Variants in FMNL2 observed in about 807,000 individuals in gnomAD.
The protein encoded by FMNL2 is formin-like protein 2.
A neutral mutation model predicts 130.2 loss-of-function variants in FMNL2; 51 were observed. The ratio of observed to expected loss-of-function variants is 0.39; its 90% confidence interval spans 0.31 to 0.49. The LOEUF (loss-of-function observed/expected upper bound fraction) is 0.49. Ranked by LOEUF, FMNL2 falls within the 20% of genes least tolerant of loss-of-function variation. The pLI is 0.85. For missense variants in FMNL2, 977 were observed against 1,316.2 expected, an observed-to-expected ratio of 0.74 and a Z score of 3.99; for synonymous variants, 465 against 467.1, an observed-to-expected ratio of 1.00 and a Z score of 0.06.
At chr2:152,611,327 A>G (rs938302592) in intron 10 of FMNL2, among the ~76,000 whole-genome samples, 168 bp from the exon 11 acceptor site, 1 of 152,176 alleles carries the variant, frequency 6.6e-6, no homozygotes, top group Admixed American at 6.5e-5. Context: ...CGACAGAGCA[A>G]GACTCCATTT....
At chr2:152,612,756 C>T (rs1010021201) in intron 11 of FMNL2, among the ~76,000 whole-genome samples, 3 of 151,988 alleles carry the variant, frequency 2.0e-5, no homozygotes, top group Non-Finnish European at 4.4e-5. Flanking sequence ...GCTGGGATTA[C>T]AGGCACTATG....
At chr2:152,402,824 A>G (rs976563853) in intron 1 of FMNL2, among the ~76,000 whole-genome samples, 1 of 152,196 alleles carries the variant, frequency 6.6e-6, no homozygotes, top group African/African-American at 2.4e-5. Context: ...GAGCCAATAC[A>G]GTTACCTTAT....
chr2:152,567,590 A>G (rs1695925898), intron 6 of FMNL2, among the ~76,000 whole-genome samples: 1 of 152,164 alleles, frequency 6.6e-6, no homozygotes, highest in Non-Finnish European at 1.5e-5. Flanking sequence ...TAATTGATAG[A>G]AAAAATATGC....
At chr2:152,641,670 T>C (rs1307703164) in intron 25 of FMNL2, among the ~76,000 whole-genome samples, 1 of 152,170 alleles carries the variant, frequency 6.6e-6, no homozygotes, top group African/African-American at 2.4e-5. Flanking sequence ...CCCTCATCCA[T>C]TTCAACAATT....
intron 1 of FMNL2, among the ~76,000 whole-genome samples, chr2:152,456,909 G>A (rs1333779017): frequency 1.4e-5 from 2 of 147,606 alleles, no homozygotes; most frequent in African/African-American, 5.1e-5. Context: ...CTACACTCCA[G>A]CCTGATGACA....
At chr2:152,392,078 T>C (rs1047743888) in intron 1 of FMNL2, among the ~76,000 whole-genome samples, 2 of 152,136 alleles carry the variant, frequency 1.3e-5, no homozygotes, top group African/African-American at 2.4e-5. Context: ...TATTTTCATA[T>C]TGTTTAAATG....
chr2:152,523,093 G>GAT (rs1693185917), intron 2 of FMNL2, among the ~76,000 whole-genome samples: 1 of 152,148 alleles, frequency 6.6e-6, no homozygotes, highest in African/African-American at 2.4e-5. Context: ...ATATAGCATG[G>GAT]ATATAGTATA....
At chr2:152,518,275 T>C (rs1692888966) in intron 1 of FMNL2, among the ~76,000 whole-genome samples, 1 of 152,220 alleles carries the variant, frequency 6.6e-6, no homozygotes, top group South Asian at 2.1e-4. Context: ...ATTATTAAGC[T>C]GTACAATGTA....
At chr2:152,349,912 C>A (rs939168560) in intron 1 of FMNL2, among the ~76,000 whole-genome samples, 1 of 151,072 alleles carries the variant, frequency 6.6e-6, no homozygotes, top group African/African-American at 2.4e-5. Flanking sequence ...ATTTCTTGAG[C>A]GTTTACTGTG....
chr2:152,591,716 G>A lies in FMNL2; in HGVS notation c.876+10667G>A, dbSNP rs1697453172. ...CGGTACTCAGGAGGCTGAAGCCAGAGGATTGCTTGGGTCTAGGGGGTCAAG... is the reference window on the plus strand; with the variant it reads ...CGGTACTCAGGAGGCTGAAGCCAGAAGATTGCTTGGGTCTAGGGGGTCAAG... On this transcript the variant is annotated intron_variant, in intron 9 of 25. Coordinates refer to ENST00000288670, the MANE Select transcript of FMNL2 (RefSeq NM_052905.4). 2.0e-5 allele frequency among the ~76,000 whole-genome samples: 3 copies of A among 152,220 alleles called. No individual in the cohort carries two copies. In the South Asian group the frequency reaches 6.2e-4, roughly 32 times the overall value.
At chr2:152,490,900 C>T (rs1022276385) in intron 1 of FMNL2, among the ~76,000 whole-genome samples, 5 of 151,964 alleles carry the variant, frequency 3.3e-5, no homozygotes, top group Non-Finnish European at 5.9e-5. Flanking sequence ...TGTCAAAAAA[C>T]GGGAAAAAAC....
At chr2:152,387,489 A>C (rs1684848688) in intron 1 of FMNL2, among the ~76,000 whole-genome samples, 2 of 152,250 alleles carry the variant, frequency 1.3e-5, no homozygotes, top group African/African-American at 2.4e-5. Flanking sequence ...TTTTTCTATA[A>C]ATGTATGAAA....
intron 7 of FMNL2, among the ~76,000 whole-genome samples, chr2:152,576,092 G>C (rs1696463209): frequency 6.6e-6 from 1 of 152,182 alleles, no homozygotes; most frequent in Admixed American, 6.5e-5. Context: ...TTCAAATATA[G>C]AAATAGGATT....
At position 152,478,146 on chromosome 2, in the gene FMNL2, C is replaced by T. The variant is rs971121042; in HGVS notation, c.118-43797C>T. Among the ~76,000 whole-genome samples, 7 of 150,982 alleles carry T rather than the reference C, an allele frequency of 4.6e-5. No individual in the cohort carries two copies. In the South Asian group the frequency reaches 1.5e-3, roughly 32 times the overall value. On this transcript the variant is annotated intron_variant, in intron 1 of 25. Coordinates refer to ENST00000288670, the MANE Select transcript of FMNL2 (RefSeq NM_052905.4). ...CTTGTTCCTGGGCTCCCTGGGGCCT[C>T]CAGGGGACTTTGAGAACTTTGGTTA...
At chr2:152,547,977 T>C (rs1030558048) in intron 3 of FMNL2, among the ~76,000 whole-genome samples, 2 of 152,180 alleles carry the variant, frequency 1.3e-5, no homozygotes, top group Non-Finnish European at 2.9e-5. Context: ...ATGTAGCCCA[T>C]TGATATCTTG....
intron 9 of FMNL2, among the ~76,000 whole-genome samples, chr2:152,594,001 A>G (rs936552104): frequency 2.0e-5 from 3 of 152,016 alleles, no homozygotes; most frequent in Non-Finnish European, 1.5e-5. Flanking sequence ...CCCAGTCCAG[A>G]AGGAAAAGAG....
Position 152,571,967 on chromosome 2 carries a change from C to A in FMNL2, c.597-3169C>A, listed in dbSNP as rs540642400. Among the ~76,000 whole-genome samples the A allele has an allele frequency of 2.6e-5, 4 of 151,780 alleles. No homozygotes were observed. In the East Asian group the frequency reaches 7.7e-4, roughly 29 times the overall value. ...GAGTTTTGGGGCACTAATCAATTAG[C>A]CTCATCTTTTTTTCTGTGGAAACTG... On this transcript the variant is annotated intron_variant, in intron 6 of 25. Transcript: ENST00000288670.
chr2:152,347,102 A>AT (rs58322808), intron 1 of FMNL2, among the ~76,000 whole-genome samples: 13 of 151,050 alleles, frequency 8.6e-5, no homozygotes, highest in African/African-American at 3.2e-4. Flanking sequence ...AAAAAAAAAA[A>AT]TTTTTTTTTC....
At chr2:152,557,128 G>A (rs1230031489) in intron 4 of FMNL2, among the ~76,000 whole-genome samples, 1 of 152,016 alleles carries the variant, frequency 6.6e-6, no homozygotes, top group African/African-American at 2.4e-5. Flanking sequence ...GTATTTAAAC[G>A]TGATCAGTGT....
Sources: allele counts gnomAD v4.1 joint callset (sites outside exome capture counted in the v4.1 genomes callset), GRCh38; gene constraint gnomAD v4.1.1; transcripts MANE v1.5; gene names NCBI Gene and HGNC (gene_info 2026-07-23, HGNC 2026-07-21).